Variants in SNX29 observed in about 807,000 individuals in gnomAD.
SNX29 encodes sorting nexin-29.
Under a neutral mutation model 102.1 loss-of-function variants are expected in SNX29, and 78 were observed. The ratio of observed to expected loss-of-function variants is 0.76; its 90% CI spans 0.64 to 0.92. The LOEUF (loss-of-function observed/expected upper bound fraction) is 0.92. Among genes scored for constraint, SNX29 ranks in the 40% least tolerant of loss-of-function variants. SNX29 has a pLI of 0.00. For synonymous variants in SNX29, 580 were observed against 414.5 expected, an observed-to-expected ratio of 1.40 and a Z score of -4.85; for missense variants, 1,280 against 1,061.7, an observed-to-expected ratio of 1.21 and a Z score of -2.86.
At chr16:12,010,455 C>G (rs983474611) in intron 3 of SNX29, among the ~76,000 whole-genome samples, 3 of 152,068 alleles carry the variant, frequency 2.0e-5, no homozygotes, top group African/African-American at 7.2e-5. Context: ...AACCCCATGT[C>G]TACAAAAAAA....
intron 16 of SNX29, among the ~76,000 whole-genome samples, chr16:12,357,367 C>T (rs923302192): frequency 2.0e-5 from 3 of 152,170 alleles, no homozygotes; most frequent in African/African-American, 4.8e-5. Flanking sequence ...ATCCTTATCA[C>T]CCCCATTACC....
At chr16:12,291,532 G>A (rs1298056501) in intron 15 of SNX29, among the ~76,000 whole-genome samples, 2 of 152,216 alleles carry the variant, frequency 1.3e-5, no homozygotes, top group Non-Finnish European at 2.9e-5. Flanking sequence ...AACCATATCA[G>A]TAGGTTTTCC....
intron 18 of SNX29, among the ~76,000 whole-genome samples, chr16:12,405,479 C>T (rs918935148): frequency 1.3e-5 from 2 of 152,196 alleles, no homozygotes; most frequent in African/African-American, 4.8e-5. Context: ...TCGCTGGGAG[C>T]AACTTCACTC....
intron 11 of SNX29, among the ~76,000 whole-genome samples, chr16:12,104,031 T>G (rs2053129700): frequency 6.6e-6 from 1 of 152,182 alleles, no homozygotes; most frequent in African/African-American, 2.4e-5. Context: ...CTCGATTCAG[T>G]TTCCTGGAAT....
chr16:12,491,750 A>T (rs887225782), intron 19 of SNX29, among the ~76,000 whole-genome samples: 6 of 152,104 alleles, frequency 3.9e-5, no homozygotes, highest in African/African-American at 1.4e-4. Flanking sequence ...TCATTGTTCA[A>T]TTCCCACCTA....
rs559981077 is a variant in SNX29, at chr16:12,560,201, T to TA, written c.2319-8304dup. 2.9e-3 allele frequency among the ~76,000 whole-genome samples: 434 copies of TA among 149,952 alleles called. 3 individuals carry two copies. Among genetic ancestry groups the TA allele is most frequent in the Non-Finnish European group, 2.4e-3 (164 of 67,698 alleles). On this transcript the variant is annotated intron_variant, in intron 20 of 20. Transcript: ENST00000566228. ...TAATTCACCATTTAACTTGTGCTTG[T>TA]AGAAGAGCAACTACACAGCCAGAGC... is the stretch of plus-strand genomic sequence containing the variant.
chr16:12,558,587 G>C (rs1218575608), intron 20 of SNX29, among the ~76,000 whole-genome samples: 1 of 152,208 alleles, frequency 6.6e-6, no homozygotes, highest in Non-Finnish European at 1.5e-5. Flanking sequence ...CCATACACCT[G>C]TCACTCTCTG....
chr16:12,527,395 A>G (rs760887162), intron 20 of SNX29: 2 of 489,408 alleles, frequency 4.1e-6, no homozygotes, highest in South Asian at 3.4e-5. Flanking sequence ...CTAAGGAAAT[A>G]AACCCCCAAA....
At chr16:12,551,921 C>T (rs118029916) in intron 20 of SNX29, among the ~76,000 whole-genome samples, 75 of 152,308 alleles carry the variant, frequency 4.9e-4, no homozygotes, top group African/African-American at 1.5e-3. Flanking sequence ...CCCTACCACA[C>T]AGAGCCACTG....
At chr16:12,166,178 A>G (rs918737510) in intron 13 of SNX29, among the ~76,000 whole-genome samples, 2 of 152,240 alleles carry the variant, frequency 1.3e-5, no homozygotes, top group Admixed American at 6.5e-5. Context: ...TAATTCATTG[A>G]TGAAACAAAC....
intron 11 of SNX29, among the ~76,000 whole-genome samples, chr16:12,119,350 T>C (rs1038455938): frequency 6.6e-6 from 1 of 152,174 alleles, no homozygotes; most frequent in African/African-American, 2.4e-5. Flanking sequence ...GTGTTTGTGT[T>C]TGAGAGTGCG....
chr16:12,493,009 A>C (rs1433980915), intron 19 of SNX29, among the ~76,000 whole-genome samples: 1 of 152,224 alleles, frequency 6.6e-6, no homozygotes, highest in Non-Finnish European at 1.5e-5. Context: ...TGACTTGGCA[A>C]TGCGGGCTCT....
intron 18 of SNX29, among the ~76,000 whole-genome samples, chr16:12,415,525 C>G (rs1467855212): frequency 6.6e-6 from 1 of 152,226 alleles, no homozygotes; most frequent in Admixed American, 6.5e-5. Flanking sequence ...ATGAATTAAT[C>G]CACCCATGAA....
At chr16:12,360,981 A>T (rs2082283816) in intron 16 of SNX29, among the ~76,000 whole-genome samples, 1 of 152,240 alleles carries the variant, frequency 6.6e-6, no homozygotes, top group African/African-American at 2.4e-5. Flanking sequence ...GCTCTAGAGA[A>T]TTGCAGGAAC....
chr16:12,058,636 A>G (rs1386024509), intron 8 of SNX29, among the ~76,000 whole-genome samples: 19 of 150,756 alleles, frequency 1.3e-4, no homozygotes, highest in Admixed American at 1.1e-3. Context: ...TGGGATTACA[A>G]GCACCCACCA....
rs565331003 is a variant in SNX29, at chr16:12,208,417, A to C, written c.1678+8734A>C. ...TACTTTGGGGTTTGTAAGCTCTCAG[A>C]AGGAATGCCTGATAGGTTGTGAGGA... On this transcript the variant is annotated intron_variant, in intron 14 of 20. Transcript: ENST00000566228. Among the ~76,000 whole-genome samples the C allele has an allele frequency of 1.6e-3, 217 of 136,162 alleles. 1 individual carries two copies. Among genetic ancestry groups the C allele is most frequent in the Middle Eastern group, 7.9e-3 (2 of 254 alleles). The allele number at this position is 136,162 out of a possible 152,430, so 89.3% of individuals were successfully genotyped here. A position where few individuals can be genotyped will look rare whatever the true frequency, so the allele number is the denominator to read the frequency against.
chr16:12,107,077 C>T (rs1297955500), intron 11 of SNX29, among the ~76,000 whole-genome samples: 2 of 152,210 alleles, frequency 1.3e-5, no homozygotes, highest in East Asian at 3.8e-4. Flanking sequence ...CTCGGCGTCC[C>T]AGAGTGCTGG....
At chr16:12,121,083 G>A (rs894054043) in intron 11 of SNX29, among the ~76,000 whole-genome samples, 4 of 152,196 alleles carry the variant, frequency 2.6e-5, no homozygotes, top group African/African-American at 9.7e-5. Flanking sequence ...ATTCACTTAC[G>A]CATCTTACCT....
At chr16:12,263,369 C>G (rs1424860637) in intron 14 of SNX29, among the ~76,000 whole-genome samples, 1 of 152,122 alleles carries the variant, frequency 6.6e-6, no homozygotes, top group East Asian at 1.9e-4. Flanking sequence ...CTCAGGTGGC[C>G]CGCCCGCCTT....
Sources: allele counts gnomAD v4.1 joint callset (sites outside exome capture counted in the v4.1 genomes callset), GRCh38; gene constraint gnomAD v4.1.1; transcripts MANE v1.5; gene names NCBI Gene and HGNC (gene_info 2026-07-23, HGNC 2026-07-21).